The following GAREM1 variants were observed in gnomAD, a reference collection of about 807,000 sequenced individuals.
GAREM1 encodes GRB2-associated and regulator of MAPK protein 1.
GAREM1 carries 26 observed loss-of-function variants against 71.3 expected under a neutral mutation model. The observed-to-expected ratio is 0.36, with a 90% CI of 0.27 to 0.51. The LOEUF (loss-of-function observed/expected upper bound fraction) is 0.51, where lower values mean the gene tolerates loss of function less well. GAREM1 is among the 20% of genes least tolerant of loss of function. The pLI, the probability that GAREM1 is intolerant of heterozygous loss-of-function variation, is 0.95. For synonymous variants in GAREM1, 440 were observed against 433.2 expected (o/e 1.02, Z -0.20); for missense variants, 1,026 against 1,103.1 (o/e 0.93, Z 0.99).
intron 3 of GAREM1, among the ~76,000 whole-genome samples, chr18:32,307,876 T>C (rs1311837287): frequency 2.0e-5 from 3 of 152,214 alleles, no homozygotes; most frequent in African/African-American, 7.2e-5. Context: ...CCTTTATTAC[T>C]GGTCCAGGTG....
chr18:32,421,318 T>A (rs2048517674), intron 1 of GAREM1, among the ~76,000 whole-genome samples: 2 of 152,174 alleles, frequency 1.3e-5, no homozygotes, highest in Admixed American at 1.3e-4. Context: ...TTGTCATTGT[T>A]CTAACTCATT....
intron 1 of GAREM1, among the ~76,000 whole-genome samples, chr18:32,400,052 A>C (rs112309541): frequency 0.077 from 11,748 of 152,120 alleles, 477 homozygotes; most frequent in African/African-American, 0.1. Context: ...TGACAAACCT[A>C]ACAAAAACAA....
intron 2 of GAREM1, among the ~76,000 whole-genome samples, chr18:32,327,352 A>T (rs374322558): frequency 6.6e-6 from 1 of 152,238 alleles, no homozygotes; most frequent in East Asian, 1.9e-4. Flanking sequence ...TCACTAATGT[A>T]CTCATGTTGA....
At chr18:32,447,758 C>A (rs1432446496) in intron 1 of GAREM1, among the ~76,000 whole-genome samples, 1 of 152,080 alleles carries the variant, frequency 6.6e-6, no homozygotes, top group Middle Eastern at 3.2e-3. Flanking sequence ...ACTTCCCCAT[C>A]CGCTTTGCAC....
intron 1 of GAREM1, among the ~76,000 whole-genome samples, chr18:32,467,067 A>C (rs2049006714): frequency 1.3e-5 from 2 of 152,192 alleles, no homozygotes; most frequent in African/African-American, 4.8e-5. Flanking sequence ...TATATTGTGT[A>C]GTGAATATTC....
intron 1 of GAREM1, among the ~76,000 whole-genome samples, chr18:32,423,920 G>A (rs2048546665): frequency 1.3e-5 from 2 of 152,196 alleles, no homozygotes; most frequent in Admixed American, 6.5e-5. Context: ...GATCACTTGA[G>A]CCCAAGAGTC....
intron 1 of GAREM1, among the ~76,000 whole-genome samples, chr18:32,443,051 A>T (rs944541124): frequency 6.6e-6 from 1 of 152,310 alleles, no homozygotes; most frequent in South Asian, 2.1e-4. Flanking sequence ...ATGTAATTTC[A>T]TGTGGATTCA....
chr18:32,363,625 T>G (rs2047888360), intron 2 of GAREM1, among the ~76,000 whole-genome samples: 1 of 152,074 alleles, frequency 6.6e-6, no homozygotes, highest in South Asian at 2.1e-4. Flanking sequence ...TTCTGCAAAT[T>G]TTCAAAAGCA....
intron 3 of GAREM1, among the ~76,000 whole-genome samples, chr18:32,304,072 C>T (rs1362809054): frequency 3.3e-5 from 5 of 151,604 alleles, no homozygotes; most frequent in Admixed American, 1.3e-4. Context: ...TTTGGGAGGC[C>T]GAGGAGGGTG....
At chr18:32,415,561 A>G (rs914427372) in intron 1 of GAREM1, among the ~76,000 whole-genome samples, 3 of 152,170 alleles carry the variant, frequency 2.0e-5, no homozygotes, top group Admixed American at 6.5e-5. Flanking sequence ...ATGCAAGCAC[A>G]GTTCAACACA....
intron 2 of GAREM1, among the ~76,000 whole-genome samples, chr18:32,328,870 A>G (rs1281368618): frequency 1.3e-5 from 2 of 152,236 alleles, no homozygotes; most frequent in Non-Finnish European, 2.9e-5. Flanking sequence ...GACAGGTGAC[A>G]GAATAGAAGA....
chr18:32,443,305 T>C (rs1297246904), intron 1 of GAREM1, among the ~76,000 whole-genome samples: 2 of 152,128 alleles, frequency 1.3e-5, no homozygotes, highest in Non-Finnish European at 2.9e-5. Flanking sequence ...TTCTTTAAAA[T>C]TAAAATTTTT....
At chr18:32,331,245 A>G (rs2047532538) in intron 2 of GAREM1, among the ~76,000 whole-genome samples, 1 of 152,210 alleles carries the variant, frequency 6.6e-6, no homozygotes, top group African/African-American at 2.4e-5. Context: ...TGTACTCCCT[A>G]CTAATGGGAA....
At chr18:32,272,799 T>G (rs2041481852) in intron 4 of GAREM1, among the ~76,000 whole-genome samples, 2 of 152,146 alleles carry the variant, frequency 1.3e-5, no homozygotes, top group South Asian at 4.1e-4. Context: ...AATTTTGTAT[T>G]TTTAGTAGAA....
chr18:32,393,862 T>C (rs1426965089), intron 1 of GAREM1, among the ~76,000 whole-genome samples: 1 of 152,222 alleles, frequency 6.6e-6, no homozygotes, highest in Non-Finnish European at 1.5e-5. Context: ...CCTAGTTTAG[T>C]AATTTTCAGT....
At chr18:32,402,147 TTAACTACTACATA>T (rs1288099179) in intron 1 of GAREM1, among the ~76,000 whole-genome samples, 1 of 152,192 alleles carries the variant, frequency 6.6e-6, no homozygotes, top group Non-Finnish European at 1.5e-5. Context: ...ATTCTGTTGC[TTAACTACTACATA>T]TAATGTACTA....
intron 5 of GAREM1, among the ~76,000 whole-genome samples, chr18:32,268,983 A>T (rs942413954): frequency 6.6e-6 from 1 of 152,214 alleles, no homozygotes; most frequent in Non-Finnish European, 1.5e-5. Flanking sequence ...AAAATGCTAC[A>T]GTGGAGATAA....
intron 1 of GAREM1, among the ~76,000 whole-genome samples, chr18:32,424,128 C>A (rs1178011536): frequency 6.6e-6 from 1 of 151,700 alleles, no homozygotes; most frequent in East Asian, 1.9e-4. Context: ...ATAGTGAGAC[C>A]CCCATCTCCC....
chr18:32,269,890 G>C (rs144614264), intron 5 of GAREM1, among the ~76,000 whole-genome samples: 1 of 152,078 alleles, frequency 6.6e-6, no homozygotes, highest in Non-Finnish European at 1.5e-5. Flanking sequence ...CTGTCTGCTC[G>C]TGTCAAAGTG....
Sources: gnomAD v4.1 joint callset for allele counts (sites outside exome capture counted in the v4.1 genomes callset) on GRCh38, gnomAD v4.1.1 for gene constraint, MANE v1.5 for transcripts, NCBI Gene and HGNC (gene_info 2026-07-23, HGNC 2026-07-21) for gene names.